The following TPX2 variants were observed in gnomAD, a reference collection of about 807,000 sequenced individuals.
The protein encoded by TPX2 is targeting protein for Xklp2.
A neutral mutation model predicts 93.6 loss-of-function variants in TPX2; 21 were observed. The ratio of observed to expected loss-of-function variants is 0.22; its 90% CI spans 0.16 to 0.32. The LOEUF is 0.32. TPX2 is among the 10% of genes least tolerant of loss of function. The pLI is 1.00. For synonymous variants in TPX2, 281 were observed against 298.3 expected, an observed-to-expected ratio of 0.94 and a Z score of 0.60; for missense variants, 776 against 871.1, an observed-to-expected ratio of 0.89 and a Z score of 1.37.
intron 10 of TPX2, chr20:31,780,873 G>A (rs2062028883): frequency 8.6e-6 from 3 of 350,304 alleles, no homozygotes; most frequent in Non-Finnish European, 1.6e-5. Flanking sequence ...AAAATTGGGA[G>A]TTTTCACTTG....
intron 10 of TPX2, among the ~76,000 whole-genome samples, chr20:31,781,926 G>GT (rs35749031): frequency 0.053 from 8,019 of 152,158 alleles, 264 homozygotes; most frequent in Middle Eastern, 0.11. Flanking sequence ...GGGCAACAGA[G>GT]TGAGACCCTG....
chr20:31,772,092 C>T (rs1284566419), intron 7 of TPX2, among the ~76,000 whole-genome samples: 1 of 147,662 alleles, frequency 6.8e-6, no homozygotes, highest in Non-Finnish European at 1.5e-5. Flanking sequence ...ATGATCTTGG[C>T]TTACTGCAAC....
chr20:31,767,094 G>A (rs954484613), intron 5 of TPX2, among the ~76,000 whole-genome samples: 5 of 151,968 alleles, frequency 3.3e-5, no homozygotes, highest in Admixed American at 1.3e-4. Context: ...GAGCTACTGC[G>A]CCCAGCTATG....
chr20:31,769,546 G>A (rs1432108731), intron 5 of TPX2, among the ~76,000 whole-genome samples: 1 of 151,730 alleles, frequency 6.6e-6, no homozygotes, highest in Non-Finnish European at 1.5e-5. Context: ...GGATGGTCTC[G>A]ATCTCCTGAC....
At chr20:31,777,752 C>G in intron 9 of TPX2, 114 bp downstream of exon 9, 1 of 1,079,710 alleles carries the variant, frequency 9.3e-7, no homozygotes, top group South Asian at 2.0e-5. Flanking sequence ...AACCTTGTGT[C>G]TATAAAGTTG....
At chr20:31,758,208 C>T (rs1015823159) in intron 3 of TPX2, among the ~76,000 whole-genome samples, 2 of 151,664 alleles carry the variant, frequency 1.3e-5, no homozygotes, top group Admixed American at 6.6e-5. Context: ...CTGTAACCTC[C>T]GCCACTCTTG....
rs746036420 is a variant in TPX2 at position 31,757,594 on chromosome 20, C to T, written c.106+12C>T. 2.9e-5 allele frequency: 47 copies of T among 1,601,768 alleles called. No homozygotes were observed. Among genetic ancestry groups the T allele is most frequent in the Non-Finnish European group, 3.8e-5 (45 of 1,169,402 alleles). On this transcript the variant is annotated intron_variant, in intron 3 of 17. Coordinates refer to ENST00000300403, the MANE Select transcript of TPX2 (RefSeq NM_012112.5). ...AGATTCATGGTTTGGTAAGTGCCTG[C>T]TTTCTCTGGCTATTTTAAGGATTAG...
intron 12 of TPX2, among the ~76,000 whole-genome samples, chr20:31,789,023 C>T (rs2062084293): frequency 6.6e-6 from 1 of 152,124 alleles, no homozygotes; most frequent in South Asian, 2.1e-4. Context: ...CATCCCCAGT[C>T]CTGGCTGCTT....
intron 2 of TPX2, among the ~76,000 whole-genome samples, chr20:31,745,074 C>T (rs1009843639): frequency 1.3e-4 from 20 of 151,980 alleles, no homozygotes; most frequent in Non-Finnish European, 2.8e-4. Context: ...TAGGCAACAG[C>T]GAGACTCCAT....
intron 2 of TPX2, among the ~76,000 whole-genome samples, chr20:31,753,771 A>T (rs2061834204): frequency 6.6e-6 from 1 of 152,108 alleles, no homozygotes; most frequent in South Asian, 2.1e-4. Flanking sequence ...CATGCCTGTA[A>T]TCCCAGCACT....
intron 15 of TPX2, among the ~76,000 whole-genome samples, chr20:31,796,306 A>G (rs1027745480): frequency 5.9e-5 from 9 of 152,338 alleles, no homozygotes; most frequent in South Asian, 2.1e-4. Context: ...AACAAATTCT[A>G]TGTAACATCC....
chr20:31,772,971 CTTTTTTTT>C (rs558541526), intron 7 of TPX2, among the ~76,000 whole-genome samples: 1 of 96,480 alleles, frequency 1.0e-5, no homozygotes, highest in African/African-American at 4.4e-5. Context: ...GTGCCATCGG[CTTTTTTTT>C]TTTTTTTTTT....
chr20:31,769,978 T>G (rs949334981), intron 5 of TPX2, among the ~76,000 whole-genome samples: 13 of 152,028 alleles, frequency 8.6e-5, no homozygotes, highest in African/African-American at 3.1e-4. Flanking sequence ...TTAAAAAATT[T>G]TTTGTAGAGA....
At chr20:31,791,585 A>G (rs1428729341) in intron 12 of TPX2, among the ~76,000 whole-genome samples, 1 of 152,206 alleles carries the variant, frequency 6.6e-6, no homozygotes, top group Non-Finnish European at 1.5e-5. Flanking sequence ...CACCTGGCCT[A>G]AAGAATTTTA....
intron 1 of TPX2, among the ~76,000 whole-genome samples, chr20:31,741,950 T>C (rs1016024509): frequency 2.6e-5 from 4 of 152,056 alleles, no homozygotes; most frequent in African/African-American, 9.7e-5. Context: ...ATTCTGTGAA[T>C]AGATCTGTAT....
At chr20:31,766,471 G>T in intron 4 of TPX2, 85 bp from the exon 5 acceptor site, 1 of 1,185,766 alleles carries the variant, frequency 8.4e-7, no homozygotes, top group Non-Finnish European at 1.2e-6. Context: ...GTGTGTGTGT[G>T]TGTGTGTGTG....
At chr20:31,744,386 C>T (rs2122942434) in intron 2 of TPX2, among the ~76,000 whole-genome samples, 1 of 151,920 alleles carries the variant, frequency 6.6e-6, no homozygotes, top group South Asian at 2.1e-4. Context: ...TCTCAAACTC[C>T]TGACCTCATG....
Position 31,777,589 on chromosome 20 carries a change from A to G in TPX2, c.833A>G (p.Tyr278Cys), listed in dbSNP as rs1162702706. 2.2e-5 allele frequency: 36 copies of G among 1,614,176 alleles called. No homozygotes were observed. Among genetic ancestry groups the G allele is most frequent in the Non-Finnish European group, 3.1e-5 (36 of 1,180,014 alleles). ...IKQHPKNQEE[Y>C]KEVNFTSELR... ...CAACATCCTAAGAACCAGGAGGAAT[A>G]TAAGGAAGTGAACTTTACATCTGAA... The change falls in exon 9 of 18, where the codon TAT becomes TGT. Residue 278 changes from tyrosine to cysteine, a missense_variant. Coordinates refer to ENST00000300403, the MANE Select transcript of TPX2 (RefSeq NM_012112.5).
rs779320269 is a variant in TPX2 at position 31,775,944 on chromosome 20, G to A, written c.686G>A (p.Arg229Gln). 19 of 1,596,888 alleles carry A rather than the reference G, an allele frequency of 1.2e-5. No individual in the cohort carries two copies. The highest frequency in any genetic ancestry group is 1.7e-5 in the Admixed American group (1 of 58,838). ...MKMQQEVVEM[R>Q]KKNEEFKKLA... ...ATGCAGCAAGAGGTGGTGGAGATGC[G>A]GAAAAAGAATGAAGAATTCAAGAAA... Residue 229 changes from arginine (R) to glutamine (Q), a missense_variant, in exon 8 of 18, where the codon CGG becomes CAG. This residue lies in a region of TPX2 where 279 missense variants were observed against 261.6 expected (regional missense o/e 1.07). Transcript: ENST00000300403.
Sources: allele counts gnomAD v4.1 joint callset (sites outside exome capture counted in the v4.1 genomes callset), GRCh38; gene constraint gnomAD v4.1.1; regional missense constraint gnomAD v4.1.1; transcripts MANE v1.5; gene names NCBI Gene and HGNC (gene_info 2026-07-23, HGNC 2026-07-21).